Variants in STK32B observed in about 807,000 individuals in gnomAD.
The protein encoded by STK32B is serine/threonine kinase 32B, also known as serine/threonine-protein kinase 32B.
A neutral mutation model predicts 52.6 loss-of-function variants in STK32B; 43 were observed. That is an observed-to-expected ratio of 0.82 (90% CI 0.64 to 1.05). The LOEUF (loss-of-function observed/expected upper bound fraction) is 1.05, where lower values mean the gene tolerates loss of function less well. Ranked by LOEUF, STK32B falls within the 50% of genes least tolerant of loss-of-function variation. The pLI is 0.00. For missense variants in STK32B, 621 were observed against 534.6 expected (o/e 1.16, Z -1.59); for synonymous variants, 238 against 204.3 (o/e 1.17, Z -1.41).
Position 5,122,085 on chromosome 4 carries a change from CACTCATTT to C in STK32B, c.53-17814_53-17807del, listed in dbSNP as rs1404891388. On this transcript the variant is annotated intron_variant, in intron 1 of 11. Coordinates refer to ENST00000282908, the MANE Select transcript of STK32B (RefSeq NM_018401.3). The stretch of plus-strand genomic sequence containing the variant: ...TCACTAATTCACATACTCATTCTCT[CACTCATTT>C]ACTCACTCATTCACTTACTCACCCA... Among the ~76,000 whole-genome samples, 4 of 152,192 alleles carry C rather than the reference CACTCATTT, an allele frequency of 2.6e-5. No homozygotes were observed. In the East Asian group the frequency reaches 7.8e-4, roughly 30 times the overall value.
intron 2 of STK32B, among the ~76,000 whole-genome samples, chr4:5,166,202 T>G (rs1434563460): frequency 6.6e-6 from 1 of 151,934 alleles, no homozygotes; most frequent in African/African-American, 2.4e-5. Context: ...CCAACAGCGT[T>G]ATTGCCGGCG....
chr4:5,301,856 A>T (rs1401451076), intron 3 of STK32B, among the ~76,000 whole-genome samples: 17 of 143,536 alleles, frequency 1.2e-4, no homozygotes, highest in Admixed American at 3.5e-4. Context: ...TTTTTTTTCT[A>T]GTTTCTTAGG....
At chr4:5,425,146 G>T (rs564613920) in intron 6 of STK32B, among the ~76,000 whole-genome samples, 1 of 152,184 alleles carries the variant, frequency 6.6e-6, no homozygotes, top group African/African-American at 2.4e-5. Flanking sequence ...TGCCTGGCTT[G>T]CCCTTGGCAG....
chr4:5,458,370 G>A (rs373044248), intron 8 of STK32B, among the ~76,000 whole-genome samples: 24 of 152,288 alleles, frequency 1.6e-4, no homozygotes, highest in East Asian at 7.7e-4. Flanking sequence ...AGGGTCCTGC[G>A]TTCTGGGCCA....
chr4:5,160,975 A>G (rs1312885799), intron 2 of STK32B, among the ~76,000 whole-genome samples: 1 of 152,140 alleles, frequency 6.6e-6, no homozygotes, highest in African/African-American at 2.4e-5. Flanking sequence ...ACAGGGAAGG[A>G]GCAGAGGTCG....
At chr4:5,122,442 TTCAC>T (rs1430760854) in intron 1 of STK32B, among the ~76,000 whole-genome samples, 2 of 152,066 alleles carry the variant, frequency 1.3e-5, no homozygotes, top group East Asian at 1.9e-4. Context: ...ACTTCACTCA[TTCAC>T]TCACTTATCC....
chr4:5,311,272 T>C (rs753172993), intron 3 of STK32B, among the ~76,000 whole-genome samples: 8 of 152,198 alleles, frequency 5.3e-5, no homozygotes, highest in Non-Finnish European at 5.9e-5. Context: ...GAGATGATGC[T>C]TATGCTAATT....
chr4:5,227,276 C>T (rs1723940141), intron 3 of STK32B, among the ~76,000 whole-genome samples: 2 of 152,316 alleles, frequency 1.3e-5, no homozygotes, highest in South Asian at 2.1e-4. Context: ...TTCTCTCTCA[C>T]GTTAAAATCC....
At chr4:5,365,364 G>A (rs892218638) in intron 4 of STK32B, among the ~76,000 whole-genome samples, 4 of 152,158 alleles carry the variant, frequency 2.6e-5, no homozygotes, top group African/African-American at 7.2e-5. Flanking sequence ...ACTCTTCACT[G>A]TGTCACACAG....
intron 2 of STK32B, among the ~76,000 whole-genome samples, chr4:5,159,524 GAT>G (rs1168052649): frequency 1.4e-3 from 174 of 124,032 alleles, no homozygotes; most frequent in South Asian, 7.4e-3. Flanking sequence ...ATGAATATAT[GAT>G]ATATATGTAT....
intron 3 of STK32B, among the ~76,000 whole-genome samples, chr4:5,235,434 C>T (rs773456152): frequency 6.6e-6 from 1 of 152,158 alleles, no homozygotes. Flanking sequence ...GCGTGCCACT[C>T]CTACTGCTTT....
At chr4:5,128,011 T>C (rs1174937543) in intron 1 of STK32B, among the ~76,000 whole-genome samples, 1 of 152,202 alleles carries the variant, frequency 6.6e-6, no homozygotes, top group Non-Finnish European at 1.5e-5. Context: ...TCCCCAGCCA[T>C]GTGGGACTGT....
At chr4:5,080,235 A>T (rs762065690) in intron 1 of STK32B, among the ~76,000 whole-genome samples, 89 of 152,004 alleles carry the variant, frequency 5.9e-4, no homozygotes, top group Non-Finnish European at 1.1e-3. Flanking sequence ...GCCCCCTGCC[A>T]CCTCTCAGAC....
At chr4:5,260,004 G>A (rs1175213132) in intron 3 of STK32B, among the ~76,000 whole-genome samples, 1 of 151,900 alleles carries the variant, frequency 6.6e-6, no homozygotes, top group African/African-American at 2.4e-5. Flanking sequence ...CTTCCTGAGG[G>A]GGGGTCAAGT....
chr4:5,193,135 A>G (rs1721359377), intron 3 of STK32B, among the ~76,000 whole-genome samples: 1 of 152,058 alleles, frequency 6.6e-6, no homozygotes, highest in African/African-American at 2.4e-5. Flanking sequence ...TAGGGTGACG[A>G]GGTGATAGCT....
rs55688341 is a variant in STK32B, at chr4:5,459,282, G to GCCCCC, written c.784-813_784-809dup. 2.9e-4 allele frequency among the ~76,000 whole-genome samples: 38 copies of GCCCCC among 133,038 alleles called. 4 individuals carry two copies. The highest frequency in any genetic ancestry group is 3.4e-4 in the African/African-American group (12 of 34,978). The allele number at this position is 133,038 out of a possible 152,430, so 87.3% of individuals were successfully genotyped here. A position where few individuals can be genotyped will look rare whatever the true frequency, so the allele number is the denominator to read the frequency against. On this transcript the variant is annotated intron_variant, in intron 8 of 11. Coordinates refer to ENST00000282908, the MANE Select transcript of STK32B (RefSeq NM_018401.3). ...CAGCTCCACCTGTGGACCCTGGTGT[G>GCCCCC]CCCCCCCCCCCCACCTTTCTAAGTA...
In STK32B at chr4:5,474,715, G is replaced by C. The variant is rs116372036; in HGVS notation, c.1106+6645G>C. ...CAGTTAACAGTGAAGACCACCTTCT[G>C]TGTGCTGGCCATGGGGGAGCTACCT... On this transcript the variant is annotated intron_variant, in intron 11 of 11. Coordinates refer to ENST00000282908, the MANE Select transcript of STK32B (RefSeq NM_018401.3). Among the ~76,000 whole-genome samples, 1,139 of 152,292 alleles carry C rather than the reference G, an allele frequency of 7.5e-3. 7 individuals are homozygous for C. Among genetic ancestry groups the C allele is most frequent in the Non-Finnish European group, 0.012 (809 of 68,028 alleles).
At chr4:5,310,438 G>A (rs546438136) in intron 3 of STK32B, among the ~76,000 whole-genome samples, 161 of 152,222 alleles carry the variant, frequency 1.1e-3, no homozygotes, top group African/African-American at 3.6e-3. Flanking sequence ...GTGAAAAAAT[G>A]TTCATCATCA....
At chr4:5,237,751 G>A (rs1484834479) in intron 3 of STK32B, among the ~76,000 whole-genome samples, 1 of 152,140 alleles carries the variant, frequency 6.6e-6, no homozygotes, top group African/African-American at 2.4e-5. Flanking sequence ...CCCCCATCAT[G>A]GCCACCTCTA....
Sources: gnomAD v4.1 joint callset for allele counts (sites outside exome capture counted in the v4.1 genomes callset) on GRCh38, gnomAD v4.1.1 for gene constraint, MANE v1.5 for transcripts, NCBI Gene and HGNC (gene_info 2026-07-23, HGNC 2026-07-21) for gene names.